Variants in ITGA11 observed in about 807,000 individuals in gnomAD.
ITGA11 encodes integrin alpha-11.
ITGA11 carries 97 observed loss-of-function variants against 141.9 expected under a neutral mutation model. The observed-to-expected ratio is 0.68, with a 90% CI of 0.58 to 0.81. The LOEUF (loss-of-function observed/expected upper bound fraction) is 0.81, where lower values mean the gene tolerates loss of function less well. Among genes scored for constraint, ITGA11 ranks in the 30% least tolerant of loss-of-function variants. The probability of loss-of-function intolerance (pLI) is 0.00; values close to 1 mark genes in which losing one functional copy is unlikely to be tolerated. For synonymous variants in ITGA11, 658 were observed against 624.6 expected (o/e 1.05, Z -0.80); for missense variants, 1,387 against 1,559.2 (o/e 0.89, Z 1.86).
rs376803142 is a variant in ITGA11 at position 68,371,398 on chromosome 15, C to T, written c.165-2114G>A. Among the ~76,000 whole-genome samples the T allele has an allele frequency of 2.2e-3, 330 of 152,198 alleles. 3 individuals carry two copies. The highest frequency in any genetic ancestry group is 7.5e-3 in the African/African-American group (313 of 41,518). ...TCAGGGTGCCTCTGGGAGAATCAGG[C>T]GCAGCATGTTCTAGATTAGAAAAGC... On this transcript the variant is annotated intron_variant, in intron 2 of 29. Coordinates refer to ENST00000315757, the MANE Select transcript of ITGA11 (RefSeq NM_001004439.2).
chr15:68,371,430 C>A (rs1443593872), intron 2 of ITGA11, among the ~76,000 whole-genome samples: 7 of 152,108 alleles, frequency 4.6e-5, no homozygotes, highest in Admixed American at 4.6e-4. Context: ...AAGCCACGGC[C>A]AGCTGGGTGC....
At chr15:68,364,954 C>T (rs1485420429) in intron 3 of ITGA11, among the ~76,000 whole-genome samples, 156 bp from the exon 4 acceptor site, 1 of 152,146 alleles carries the variant, frequency 6.6e-6, no homozygotes. Context: ...CCCAGACGTA[C>T]TCTCAGGACA....
intron 1 of ITGA11, among the ~76,000 whole-genome samples, chr15:68,426,879 G>A (rs904383471): frequency 3.9e-5 from 6 of 151,916 alleles, no homozygotes; most frequent in African/African-American, 1.2e-4. Flanking sequence ...GCTGGGTATG[G>A]TAGCACAGGC....
At chr15:68,358,319 G>T in intron 6 of ITGA11, 139 bp downstream of exon 6, 1 of 845,386 alleles carries the variant, frequency 1.2e-6, no homozygotes, top group Non-Finnish European at 1.8e-6. Context: ...GTGCCCCAGT[G>T]CTGGCTGGCC....
At chr15:68,312,617 AGAG>A (rs1893426780) in intron 24 of ITGA11, among the ~76,000 whole-genome samples, 153 bp downstream of exon 24, 1 of 152,198 alleles carries the variant, frequency 6.6e-6, no homozygotes, top group African/African-American at 2.4e-5. Flanking sequence ...AGAGGCCCAG[AGAG>A]GAGAAGTGAC....
chr15:68,383,129 G>C (rs193284028), intron 2 of ITGA11, among the ~76,000 whole-genome samples: 10 of 152,288 alleles, frequency 6.6e-5, no homozygotes, highest in Non-Finnish European at 1.3e-4. Context: ...AGATTAGCCG[G>C]GCGTGGTGGC....
Position 68,326,634 on chromosome 15 carries a change from T to C in ITGA11, c.2211+20A>G. ...CTTCCTATAGGAGCTTGGGCTCTGC[T>C]GGTGGGGCTGCCAGCTTACCAGGAC... On this transcript the variant is annotated intron_variant, in intron 17 of 29. Transcript: ENST00000315757. This position sits in a 1 kb window ranked among gnomAD's most constrained non-coding sequence, Gnocchi z 6.8. 6.3e-7 allele frequency: 1 copy of C among 1,576,822 alleles called. No individual in the cohort carries two copies.
In ITGA11 at chr15:68,325,160, C is replaced by A; in HGVS notation, c.2293G>T (p.Asp765Tyr). The stretch of plus-strand genomic sequence containing the variant: ...ACTCTGAGAGTGGTGGGCCAGCCGT[C>A]GTCCAGCATGGGGCCATGGTCAGGG... ...EDPDHGPMLD[D>Y]GWPTTLRVSV... Residue 765 changes from aspartate to tyrosine, a missense_variant, in exon 18 of 30, where the codon GAC becomes TAC. By Grantham distance (160) the Asp-to-Tyr change is radical. Transcript: ENST00000315757. The surrounding 1 kb of genome is among the most constrained non-coding windows in gnomAD (Gnocchi z 5.5). 1 of 1,613,826 alleles carries A rather than the reference C, an allele frequency of 6.2e-7. No homozygotes were observed. The highest frequency in any genetic ancestry group is 8.5e-7 in the Non-Finnish European group (1 of 1,179,828).
At chr15:68,339,673 C>A (rs1177256778) in intron 10 of ITGA11, 29 bp from the exon 11 acceptor site, 1 of 1,611,720 alleles carries the variant, frequency 6.2e-7, no homozygotes, top group Non-Finnish European at 8.5e-7. Flanking sequence ...CACACATCAG[C>A]ACCTGTCCTC....
chr15:68,352,616 C>T (rs184675107), intron 7 of ITGA11, among the ~76,000 whole-genome samples: 3 of 152,288 alleles, frequency 2.0e-5, no homozygotes, highest in Admixed American at 6.5e-5. Flanking sequence ...AAAATGCGTG[C>T]GATGAGGCCT....
chr15:68,365,020 T>C (rs1410424826), intron 3 of ITGA11: 9 of 529,824 alleles, frequency 1.7e-5, no homozygotes, highest in Non-Finnish European at 2.2e-5. Context: ...CCAAACAACC[T>C]GCCCAAGGTC....
chr15:68,311,148 C>A, intron 25 of ITGA11, 68 bp from the exon 26 acceptor site: 1 of 1,375,318 alleles, frequency 7.3e-7, no homozygotes, highest in Non-Finnish European at 1.0e-6. Context: ...GACGCAGGAT[C>A]CCAGAGAGGT....
At chr15:68,311,822 C>G (rs1893398338) in intron 24 of ITGA11, among the ~76,000 whole-genome samples, 1 of 152,176 alleles carries the variant, frequency 6.6e-6, no homozygotes, top group African/African-American at 2.4e-5. Flanking sequence ...CTATTTATTA[C>G]TAAATAAGGA....
intron 5 of ITGA11, among the ~76,000 whole-genome samples, chr15:68,359,379 C>A (rs1274407056): frequency 6.6e-6 from 1 of 152,152 alleles, no homozygotes; most frequent in African/African-American, 2.4e-5. Flanking sequence ...GGAGTCATGG[C>A]TCACACCCAT....
At chr15:68,345,642 C>T (rs1894721221) in intron 10 of ITGA11, among the ~76,000 whole-genome samples, 1 of 152,262 alleles carries the variant, frequency 6.6e-6, no homozygotes, top group Non-Finnish European at 1.5e-5. Context: ...GCCCCTCAGG[C>T]TCCTTCAGTA....
rs12443183 is a variant in ITGA11 at position 68,406,022 on chromosome 15, T to C, written c.53-2993A>G. Among the ~76,000 whole-genome samples the C allele has an allele frequency of 8.2e-3, 1,248 of 152,216 alleles. 42 individuals are homozygous for C. The highest frequency in any genetic ancestry group is 0.06 in the Admixed American group (920 of 15,298). On this transcript the variant is annotated intron_variant, in intron 1 of 29. Coordinates refer to ENST00000315757, the MANE Select transcript of ITGA11 (RefSeq NM_001004439.2). ...GAGACTAGGACTTCCCCTTCCTGCATCTGACCCAGCAGGAAAAGGAAAGTA... is the reference window on the plus strand; with the variant it reads ...GAGACTAGGACTTCCCCTTCCTGCACCTGACCCAGCAGGAAAAGGAAAGTA...
chr15:68,350,888 G>A, intron 8 of ITGA11, 106 bp from the exon 9 acceptor site: 2 of 1,166,204 alleles, frequency 1.7e-6, no homozygotes, highest in Non-Finnish European at 2.4e-6. Context: ...TGGAGCCAGG[G>A]CCGGTAGCCA....
intron 20 of ITGA11, among the ~76,000 whole-genome samples, chr15:68,318,301 T>C (rs572581370): frequency 6.6e-6 from 1 of 152,316 alleles, no homozygotes; most frequent in South Asian, 2.1e-4. Context: ...CCACAGAAAC[T>C]ATCTCCATGA....
intron 2 of ITGA11, among the ~76,000 whole-genome samples, chr15:68,381,746 G>T (rs536490855): frequency 1.6e-4 from 24 of 152,170 alleles, no homozygotes; most frequent in Admixed American, 2.6e-4. Context: ...AGTAGAGATG[G>T]GGTTTTGCCA....
Sources: allele counts gnomAD v4.1 joint callset (sites outside exome capture counted in the v4.1 genomes callset), GRCh38; gene constraint gnomAD v4.1.1; non-coding constraint Gnocchi (gnomAD v3.1); transcripts MANE v1.5; gene names NCBI Gene and HGNC (gene_info 2026-07-23, HGNC 2026-07-21).